Variants in TAFA1 observed in about 807,000 individuals in gnomAD.
TAFA1 encodes chemokine-like protein TAFA-1.
In TAFA1, 4 loss-of-function variants were observed where a neutral mutation model predicts 18.5. That is an observed-to-expected ratio of 0.22 (90% CI 0.11 to 0.49). The LOEUF (loss-of-function observed/expected upper bound fraction) is 0.49. Ranked by LOEUF, TAFA1 falls within the 20% of genes least tolerant of loss-of-function variation. The pLI, the probability that TAFA1 is intolerant of heterozygous loss-of-function variation, is 0.98. For synonymous variants in TAFA1, 56 were observed against 55.2 expected, an observed-to-expected ratio of 1.01 and a Z score of -0.06; for missense variants, 147 against 169.0, an observed-to-expected ratio of 0.87 and a Z score of 0.72.
At chr3:68,544,195 G>C (rs1053401837) in intron 4 of TAFA1, among the ~76,000 whole-genome samples, 3 of 152,034 alleles carry the variant, frequency 2.0e-5, no homozygotes, top group Non-Finnish European at 4.4e-5. Flanking sequence ...CAACTTCATA[G>C]GTCACATGCC....
intron 2 of TAFA1, among the ~76,000 whole-genome samples, chr3:68,296,989 A>G (rs2068218725): frequency 6.6e-6 from 1 of 152,192 alleles, no homozygotes; most frequent in African/African-American, 2.4e-5. Flanking sequence ...AAGAGTGTTA[A>G]CCAGCCCATA....
At chr3:68,301,996 C>G (rs1030038305) in intron 2 of TAFA1, among the ~76,000 whole-genome samples, 3 of 152,016 alleles carry the variant, frequency 2.0e-5, no homozygotes, top group African/African-American at 7.2e-5. Context: ...TCATTTTATC[C>G]TAGTTCTTTT....
At chr3:68,036,537 T>C (rs1307038023) in intron 2 of TAFA1, among the ~76,000 whole-genome samples, 1 of 152,132 alleles carries the variant, frequency 6.6e-6, no homozygotes, top group Admixed American at 6.5e-5. Context: ...TATAAGTTGA[T>C]TGCATGTTTT....
intron 2 of TAFA1, among the ~76,000 whole-genome samples, chr3:68,193,264 T>A (rs1389350896): frequency 6.6e-6 from 1 of 151,814 alleles, no homozygotes; most frequent in Non-Finnish European, 1.5e-5. Context: ...TTATTTTAAG[T>A]ACTTTTCTAC....
At chr3:68,407,503 A>G in intron 2 of TAFA1, among the ~76,000 whole-genome samples, 1 of 152,146 alleles carries the variant, frequency 6.6e-6, no homozygotes, top group East Asian at 1.9e-4. Context: ...TAATATGTCT[A>G]CTGTTCACTA....
intron 2 of TAFA1, among the ~76,000 whole-genome samples, chr3:68,301,209 C>T (rs1006188422): frequency 1.3e-5 from 2 of 152,140 alleles, no homozygotes; most frequent in Admixed American, 1.3e-4. Flanking sequence ...TGTTGTCCTT[C>T]CATTAATTCT....
chr3:68,029,866 G>A (rs903277847), intron 2 of TAFA1, among the ~76,000 whole-genome samples: 12 of 152,086 alleles, frequency 7.9e-5, no homozygotes, highest in African/African-American at 2.7e-4. Context: ...CATTAGTTTC[G>A]TTACCTTGCC....
At chr3:68,006,492 G>C (rs1301380733) in intron 1 of TAFA1, 132 bp from the exon 2 acceptor site, 3 of 673,488 alleles carry the variant, frequency 4.5e-6, no homozygotes, top group African/African-American at 3.5e-5. Context: ...GACCTCTGCT[G>C]GATCATTAGT....
chr3:68,146,029 C>G (rs551107045), intron 2 of TAFA1, among the ~76,000 whole-genome samples: 3 of 152,108 alleles, frequency 2.0e-5, no homozygotes, highest in Non-Finnish European at 4.4e-5. Context: ...CAGTTTTTTC[C>G]ATAGAATGTT....
intron 2 of TAFA1, among the ~76,000 whole-genome samples, chr3:68,204,694 T>C (rs2066505992): frequency 6.6e-6 from 1 of 151,840 alleles, no homozygotes; most frequent in Middle Eastern, 3.2e-3. Flanking sequence ...TTCACTATAT[T>C]GTATCTAACA....
intron 2 of TAFA1, among the ~76,000 whole-genome samples, chr3:68,024,064 A>G (rs1379836007): frequency 6.6e-6 from 1 of 152,214 alleles, no homozygotes; most frequent in African/African-American, 2.4e-5. Context: ...ACTGTCTGGA[A>G]TGCTGCTGTT....
intron 2 of TAFA1, among the ~76,000 whole-genome samples, chr3:68,047,946 T>C (rs1424044210): frequency 6.6e-6 from 1 of 152,102 alleles, no homozygotes; most frequent in African/African-American, 2.4e-5. Flanking sequence ...GTTGGCCACA[T>C]GCTTGTAAGG....
the TAFA1 span, among the ~76,000 whole-genome samples, chr3:67,995,476 G>A: frequency 6.6e-6 from 1 of 152,034 alleles, no homozygotes; most frequent in South Asian, 2.1e-4. Flanking sequence ...GAGCATGCGA[G>A]GCGTGTTCTC....
intron 2 of TAFA1, among the ~76,000 whole-genome samples, chr3:68,233,152 T>C (rs2066891661): frequency 6.6e-6 from 1 of 152,178 alleles, no homozygotes; most frequent in Non-Finnish European, 1.5e-5. Context: ...TGTATATCTT[T>C]TTTGAGAAAT....
At chr3:68,248,639 G>A (rs1489646921) in intron 2 of TAFA1, among the ~76,000 whole-genome samples, 2 of 151,212 alleles carry the variant, frequency 1.3e-5, no homozygotes, top group Non-Finnish European at 2.9e-5. Flanking sequence ...TGTGTTCAGA[G>A]CTGGGGAATC....
chr3:68,441,740 C>T (rs2071386154), intron 3 of TAFA1, among the ~76,000 whole-genome samples: 1 of 152,158 alleles, frequency 6.6e-6, no homozygotes, highest in African/African-American at 2.4e-5. Flanking sequence ...CTGAGGGCTT[C>T]ATGAGGAGTT....
At chr3:68,019,488 A>G (rs1704640687) in intron 2 of TAFA1, among the ~76,000 whole-genome samples, 1 of 152,160 alleles carries the variant, frequency 6.6e-6, no homozygotes, top group African/African-American at 2.4e-5. Context: ...TTCACACTGG[A>G]AAAGAATGCT....
At chr3:68,155,058 CCTTATTAA>C (rs2065851047) in intron 2 of TAFA1, among the ~76,000 whole-genome samples, 1 of 152,296 alleles carries the variant, frequency 6.6e-6, no homozygotes, top group South Asian at 2.1e-4. Flanking sequence ...CAGGCCCATG[CCTTATTAA>C]CAAACCAATC....
chr3:68,220,983 CA>C (rs1178880880), intron 2 of TAFA1, among the ~76,000 whole-genome samples: 1 of 152,104 alleles, frequency 6.6e-6, no homozygotes, highest in Non-Finnish European at 1.5e-5. Flanking sequence ...TTCCCAGAAA[CA>C]GAATGATCTT....
Sources: gnomAD v4.1 joint callset for allele counts (sites outside exome capture counted in the v4.1 genomes callset) on GRCh38, gnomAD v4.1.1 for gene constraint, MANE v1.5 for transcripts, NCBI Gene and HGNC (gene_info 2026-07-23, HGNC 2026-07-21) for gene names.